GRB2: variants seen among roughly 807,000 people sequenced by gnomAD.
GRB2 encodes growth factor receptor-bound protein 2.
Under a neutral mutation model 27.4 loss-of-function variants are expected in GRB2, and 2 were observed. The observed-to-expected ratio is 0.07, with a 90% CI of 0.03 to 0.23. The LOEUF (loss-of-function observed/expected upper bound fraction) is 0.23. Among genes scored for constraint, GRB2 ranks in the 10% least tolerant of loss-of-function variants. The pLI, the probability that GRB2 is intolerant of heterozygous loss-of-function variation, is 1.00. For missense variants in GRB2, 102 were observed against 282.4 expected, an observed-to-expected ratio of 0.36 and a Z score of 4.58; for synonymous variants, 94 against 99.6, an observed-to-expected ratio of 0.94 and a Z score of 0.33.
intron 2 of GRB2, among the ~76,000 whole-genome samples, chr17:75,374,541 C>A (rs1297992519): frequency 6.6e-6 from 1 of 151,782 alleles, no homozygotes; most frequent in Non-Finnish European, 1.5e-5. Context: ...ATTAGCCTGG[C>A]AACATGGAAA....
At chr17:75,323,484 A>C (rs532099522) in intron 4 of GRB2, among the ~76,000 whole-genome samples, 3 of 152,318 alleles carry the variant, frequency 2.0e-5, no homozygotes, top group African/African-American at 7.2e-5. Flanking sequence ...AAAACATCCT[A>C]AAACTAAGAA....
At chr17:75,338,847 T>C (rs1160670050) in intron 2 of GRB2, 7 of 769,498 alleles carry the variant, frequency 9.1e-6, no homozygotes, top group Non-Finnish European at 1.7e-5. Context: ...TTCCTAAAAT[T>C]CACTGGACTT....
intron 2 of GRB2, among the ~76,000 whole-genome samples, chr17:75,368,829 A>G (rs2078837734): frequency 6.6e-6 from 1 of 152,154 alleles, no homozygotes; most frequent in African/African-American, 2.4e-5. Context: ...TATAGGTGTG[A>G]GCCACTGCAC....
intron 2 of GRB2, among the ~76,000 whole-genome samples, chr17:75,356,835 T>C (rs2078737067): frequency 6.6e-6 from 1 of 152,252 alleles, no homozygotes; most frequent in Non-Finnish European, 1.5e-5. Context: ...TCCCAGCTTT[T>C]CTTCCTACGT....
chr17:75,404,529 T>G, intron 1 of GRB2, among the ~76,000 whole-genome samples: 1 of 93,242 alleles, frequency 1.1e-5, no homozygotes, highest in Non-Finnish European at 2.0e-5. Flanking sequence ...GAAGGGGAAG[T>G]ACATTAGAAA....
intron 1 of GRB2, among the ~76,000 whole-genome samples, chr17:75,395,643 T>C (rs1397239396): frequency 1.3e-5 from 2 of 152,238 alleles, no homozygotes; most frequent in African/African-American, 4.8e-5. Flanking sequence ...ACAAAATGGA[T>C]AGAGTATTTC....
intron 2 of GRB2, among the ~76,000 whole-genome samples, chr17:75,375,918 G>A (rs2078889663): frequency 1.3e-5 from 2 of 151,540 alleles, no homozygotes; most frequent in South Asian, 2.1e-4. Context: ...CCAGCTACTC[G>A]GGAGGCTGAG....
chr17:75,346,872 T>A (rs952663274), intron 2 of GRB2, among the ~76,000 whole-genome samples: 3 of 152,084 alleles, frequency 2.0e-5, no homozygotes, highest in Admixed American at 1.3e-4. Flanking sequence ...CTGCTCTGAC[T>A]TTTTGGCTCT....
intron 1 of GRB2, among the ~76,000 whole-genome samples, chr17:75,403,872 G>C (rs1388774773): frequency 6.6e-6 from 1 of 152,210 alleles, no homozygotes; most frequent in Non-Finnish European, 1.5e-5. Context: ...CCAACACTTT[G>C]GGAGGCCAAG....
intron 2 of GRB2, among the ~76,000 whole-genome samples, chr17:75,348,621 T>A (rs2078669206): frequency 6.6e-6 from 1 of 152,066 alleles, no homozygotes; most frequent in African/African-American, 2.4e-5. Flanking sequence ...AAAAGTGAGA[T>A]AAGGGAAATT....
chr17:75,396,053 G>A (rs1043810485), intron 1 of GRB2, among the ~76,000 whole-genome samples: 1 of 151,976 alleles, frequency 6.6e-6, no homozygotes, highest in African/African-American at 2.4e-5. Context: ...GGCCAGGCTG[G>A]TCTTGAACTC....
intron 2 of GRB2, among the ~76,000 whole-genome samples, chr17:75,362,331 T>G (rs771043338): frequency 6.6e-5 from 10 of 152,234 alleles, no homozygotes; most frequent in Non-Finnish European, 1.5e-4. Context: ...CATATATTTA[T>G]GTACTGTACT....
intron 4 of GRB2, among the ~76,000 whole-genome samples, chr17:75,323,974 T>G (rs557253152): frequency 4.0e-5 from 6 of 150,088 alleles, no homozygotes; most frequent in East Asian, 2.0e-4. Flanking sequence ...CACGCCTGGC[T>G]AATTTTTGTA....
intron 2 of GRB2, among the ~76,000 whole-genome samples, chr17:75,376,800 G>C (rs1268483313): frequency 6.6e-6 from 1 of 152,034 alleles, no homozygotes; most frequent in Non-Finnish European, 1.5e-5. Context: ...CCAGAAGTTT[G>C]AGACAAGCCT....
intron 2 of GRB2, among the ~76,000 whole-genome samples, chr17:75,345,699 C>T (rs1402192966): frequency 6.6e-6 from 1 of 151,768 alleles, no homozygotes; most frequent in African/African-American, 2.4e-5. Flanking sequence ...GTCCCTACCC[C>T]CACCCCCACC....
chr17:75,330,336 C>T (rs969435949), intron 3 of GRB2, among the ~76,000 whole-genome samples: 4 of 151,484 alleles, frequency 2.6e-5, no homozygotes, highest in Non-Finnish European at 5.9e-5. Context: ...GAGCCGAGAT[C>T]GCGCCACAGC....
chr17:75,391,962 T>C (rs1021460151), intron 2 of GRB2, among the ~76,000 whole-genome samples: 3 of 152,282 alleles, frequency 2.0e-5, no homozygotes, highest in South Asian at 2.1e-4. Flanking sequence ...GATAAACTTA[T>C]GAAAAAATCT....
intron 2 of GRB2, among the ~76,000 whole-genome samples, chr17:75,377,878 G>T (rs984338671): frequency 1.3e-5 from 2 of 152,098 alleles, no homozygotes; most frequent in Non-Finnish European, 2.9e-5. Context: ...CTACACTCTA[G>T]CCTGGGCAAG....
In GRB2 at chr17:75,326,615, G is replaced by C. The variant is rs2078500428; in HGVS notation, c.177-595C>G. Among the ~76,000 whole-genome samples the C allele has an allele frequency of 1.3e-5, 2 of 152,250 alleles. 1 individual carries two copies. The highest frequency in any genetic ancestry group is 4.1e-4 in the South Asian group (2 of 4,834). On this transcript the variant is annotated intron_variant, in intron 3 of 5. Transcript: ENST00000316804. Reference sequence around the variant, plus strand: ...CCTGCCTCTGGGGCCACTGCTCAGAGTTCAGCTTTCAGAAGCCACCAGGAA... The same window carrying C: ...CCTGCCTCTGGGGCCACTGCTCAGACTTCAGCTTTCAGAAGCCACCAGGAA...
Sources: gnomAD v4.1 joint callset for allele counts (sites outside exome capture counted in the v4.1 genomes callset) on GRCh38, gnomAD v4.1.1 for gene constraint, MANE v1.5 for transcripts, NCBI Gene and HGNC (gene_info 2026-07-23, HGNC 2026-07-21) for gene names.